PCDHA5: variants seen among roughly 807,000 people sequenced by gnomAD.
PCDHA5 encodes the protein protocadherin alpha 5.
In PCDHA5, 43 loss-of-function variants were observed where a neutral mutation model predicts 61.6. The ratio of observed to expected loss-of-function variants is 0.70; its 90% CI spans 0.55 to 0.90. The LOEUF is 0.90. Ranked by LOEUF, PCDHA5 falls within the 40% of genes least tolerant of loss-of-function variation. PCDHA5 has a pLI of 0.00. For synonymous variants in PCDHA5, 627 were observed against 543.9 expected, an observed-to-expected ratio of 1.15 and a Z score of -2.13; for missense variants, 1,298 against 1,222.7, an observed-to-expected ratio of 1.06 and a Z score of -0.92.
chr5:140,884,731 C>T (rs2060333216), intron 1 of PCDHA5: 2 of 1,449,296 alleles, frequency 1.4e-6, no homozygotes, highest in East Asian at 4.9e-5. Flanking sequence ...TTGTTTAAGA[C>T]ATCTTTCCTG....
rs1397274162 is a variant in PCDHA5, at chr5:140,845,104, T to G, written c.2352+20977T>G. 8.0e-5 allele frequency among the ~76,000 whole-genome samples: 12 copies of G among 149,722 alleles called. 2 individuals are homozygous for G. In the Admixed American group the frequency reaches 8.0e-4, roughly 10 times the overall value. On this transcript the variant is annotated intron_variant, in intron 1 of 3. Transcript: ENST00000529859. ...GTAGTTTATTTTACAGTTCTCTTAA[T>G]GCCTGTCCATGTTTAGCATTTTATT... is the stretch of plus-strand genomic sequence containing the variant.
At chr5:140,861,759 C>T (rs2047064113) in intron 1 of PCDHA5, 1 of 93,332 alleles carries the variant, frequency 1.1e-5, no homozygotes, top group Non-Finnish European at 2.2e-5. Context: ...GATTATTTTT[C>T]CCTGGAAATA....
intron 1 of PCDHA5, among the ~76,000 whole-genome samples, chr5:140,833,925 A>T (rs2150212105): frequency 0.49 from 75,044 of 151,918 alleles, 18,888 homozygotes; most frequent in Middle Eastern, 0.62. Flanking sequence ...GTTTAAATTC[A>T]TGTTGTCACT....
chr5:140,859,470 A>G (rs184833883), intron 1 of PCDHA5: 1 of 211,162 alleles, frequency 4.7e-6, no homozygotes, highest in South Asian at 1.3e-4. Context: ...TACACTATCA[A>G]TTGTGTTTTC....
intron 1 of PCDHA5, among the ~76,000 whole-genome samples, chr5:140,942,409 TAAA>T (rs78736997): frequency 7.0e-6 from 1 of 143,620 alleles, no homozygotes; most frequent in Non-Finnish European, 1.5e-5. Context: ...AGACTCTGTT[TAAA>T]AAAAAAAAAG....
At position 140,822,662 on chromosome 5, in the gene PCDHA5, C is replaced by T. The variant is rs2150118346; in HGVS notation, c.887C>T (p.Ser296Phe). 4.4e-6 allele frequency: 7 copies of T among 1,608,370 alleles called. No individual in the cohort carries two copies. In the African/African-American group the frequency reaches 5.4e-5, roughly 12 times the overall value. The change falls in exon 1 of 4, where the codon TCT (serine) becomes TTT (phenylalanine). Residue 296 changes from serine (S) to phenylalanine (F), a missense_variant. Physicochemically the swap from Ser to Phe is radical, Grantham distance 155. Transcript: ENST00000529859. ...DDVKSKFIINSNTGEIKVNGE... is the reference protein window; with the variant it reads ...DDVKSKFIINFNTGEIKVNGE... The stretch of plus-strand genomic sequence containing the variant: ...GTAAAGTCCAAATTTATAATTAATT[C>T]TAATACTGGTGAAATAAAAGTTAAC...
rs528840085 is a variant in PCDHA5 at position 140,876,225 on chromosome 5, GT to G, written c.2352+52099del. 8.8e-5 allele frequency: 142 copies of G among 1,613,982 alleles called. No homozygotes were observed. The African/African-American group carries it at 1.7e-3, about 20-fold the overall frequency. The stretch of plus-strand genomic sequence containing the variant: ...ATAAGCCCAGCTATAAAGTAGTGTT[GT>G]CTGAAAATGTCCAAAACGACACAAG... On this transcript the variant is annotated intron_variant, in intron 1 of 3. Coordinates refer to ENST00000529859, the MANE Select transcript of PCDHA5 (RefSeq NM_018908.3).
intron 1 of PCDHA5, among the ~76,000 whole-genome samples, chr5:140,951,543 C>A (rs246041): frequency 1.3e-5 from 2 of 151,428 alleles, no homozygotes; most frequent in South Asian, 2.1e-4. Flanking sequence ...GAGCAAGGGA[C>A]GGGGGGAAGT....
Position 140,823,223 on chromosome 5 carries a change from C to A in PCDHA5, c.1448C>A (p.Ala483Glu), listed in dbSNP as rs1367836220. Residue 483 changes from alanine to glutamate, a missense_variant, in exon 1 of 4, where the codon GCG (alanine) becomes GAG (glutamate). Coordinates refer to ENST00000529859, the MANE Select transcript of PCDHA5 (RefSeq NM_018908.3). ...ACGGTGTCTGCACGGGACGCGGACG[C>A]GCAGGAGAACGCCCTGGTGTCCTAC... ...IFTVSARDAD[A>E]QENALVSYSL... 1.9e-6 allele frequency: 3 copies of A among 1,613,554 alleles called. No homozygotes were observed. Among genetic ancestry groups the A allele is most frequent in the East Asian group, 4.5e-5 (2 of 44,874 alleles).
At chr5:140,926,737 C>T (rs2083513630) in intron 1 of PCDHA5, 3 of 1,153,842 alleles carry the variant, frequency 2.6e-6, no homozygotes, top group Non-Finnish European at 3.4e-6. Flanking sequence ...GTTCGGGAGG[C>T]GCAACGTCGG....
chr5:140,828,812 A>G (rs2150159270), intron 1 of PCDHA5: 2 of 1,614,228 alleles, frequency 1.2e-6, no homozygotes, highest in Non-Finnish European at 1.7e-6. Context: ...TAATGCTCCC[A>G]CTTTCGAACA....
In PCDHA5 at chr5:140,944,201, G is replaced by T. The variant is rs1389405246; in HGVS notation, c.2353-34748G>T. Among the ~76,000 whole-genome samples, 5 of 152,034 alleles carry T rather than the reference G, an allele frequency of 3.3e-5. No homozygotes were observed. In the East Asian group the frequency reaches 9.6e-4, roughly 29 times the overall value. On this transcript the variant is annotated intron_variant, in intron 1 of 3. Coordinates refer to ENST00000529859, the MANE Select transcript of PCDHA5 (RefSeq NM_018908.3). ...TTGTTGGTTTGTTTTGTTTTGTTTT[G>T]TTTTTAAAGAGGGTTTTACTCTGTC...
chr5:140,983,777 A>G (rs947937417), intron 3 of PCDHA5, among the ~76,000 whole-genome samples: 1 of 152,256 alleles, frequency 6.6e-6, no homozygotes, highest in Non-Finnish European at 1.5e-5. Context: ...ATCTACATAC[A>G]TAACAGATGA....
At chr5:140,928,471 G>T in intron 1 of PCDHA5, 1 of 1,614,148 alleles carries the variant, frequency 6.2e-7, no homozygotes, top group Non-Finnish European at 8.5e-7. Context: ...CCAAGTAGAA[G>T]GCCGGGATGG....
intron 1 of PCDHA5, chr5:140,849,459 G>T (rs2150438078): frequency 1.3e-6 from 2 of 1,587,980 alleles, no homozygotes. Flanking sequence ...CCCAGTCGAG[G>T]CTGTCGATAA....
chr5:140,829,374 G>A (rs2150166650), intron 1 of PCDHA5: 2 of 1,614,224 alleles, frequency 1.2e-6, no homozygotes, highest in Non-Finnish European at 8.5e-7. Context: ...GTAACCGCGC[G>A]GGACGGGGGC....
intron 1 of PCDHA5, chr5:140,929,069 G>A (rs1554206647): frequency 1.2e-6 from 2 of 1,614,192 alleles, no homozygotes; most frequent in Non-Finnish European, 8.5e-7. Context: ...GAGGATCTGA[G>A]GTATGGAAGT....
Position 140,821,730 on chromosome 5 carries a change from T to G in PCDHA5, c.-46T>G. Reference sequence around the variant, plus strand: ...TTGGGAATTGAATTTACAAAATACATTGTGTGGTGATGCAATAGAAAGCTC... The same window carrying G: ...TTGGGAATTGAATTTACAAAATACAGTGTGTGGTGATGCAATAGAAAGCTC... On this transcript the variant is annotated 5_prime_UTR_variant, in exon 1 of 4. Transcript: ENST00000529859. 2.0e-6 allele frequency: 3 copies of G among 1,514,520 alleles called. No individual in the cohort carries two copies. Among genetic ancestry groups the G allele is most frequent in the African/African-American group, 1.4e-5 (1 of 71,868 alleles). The allele number at this position is 1,514,520 out of a possible 1,614,324, so 93.8% of individuals were successfully genotyped here. A position where few individuals can be genotyped will look rare whatever the true frequency, so the allele number is the denominator to read the frequency against.
At chr5:140,869,457 T>A (rs1554163081) in intron 1 of PCDHA5, 2 of 1,614,184 alleles carry the variant, frequency 1.2e-6, no homozygotes, top group Non-Finnish European at 1.7e-6. Flanking sequence ...AGGTTTTCCA[T>A]GTGAACGTGG....
Sources: gnomAD v4.1 joint callset for allele counts (sites outside exome capture counted in the v4.1 genomes callset) on GRCh38, gnomAD v4.1.1 for gene constraint, MANE v1.5 for transcripts, NCBI Gene and HGNC (gene_info 2026-07-23, HGNC 2026-07-21) for gene names.